Variants in HNF4A observed in about 807,000 individuals in gnomAD.
HNF4A encodes hepatocyte nuclear factor 4 alpha, also known as hepatocyte nuclear factor 4-alpha.
In HNF4A, 15 loss-of-function variants were observed where a neutral mutation model predicts 52.4. That is an observed-to-expected ratio of 0.29 (90% confidence interval 0.19 to 0.44). HNF4A has a LOEUF of 0.44. Among genes scored for constraint, HNF4A ranks in the 20% least tolerant of loss-of-function variants. The probability of loss-of-function intolerance (pLI) is 1.00; values close to 1 mark genes in which losing one functional copy is unlikely to be tolerated. For missense variants in HNF4A, 479 were observed against 647.2 expected (o/e 0.74, Z 2.82); for synonymous variants, 280 against 264.4 (o/e 1.06, Z -0.57).
intron 1 of HNF4A, among the ~76,000 whole-genome samples, chr20:44,394,448 T>C (rs1017333185): frequency 1.3e-5 from 2 of 152,178 alleles, no homozygotes; most frequent in Non-Finnish European, 2.9e-5. Context: ...GCTGGGCCTG[T>C]GGATGCATAC....
chr20:44,409,263 A>G (rs1405999321), intron 3 of HNF4A, among the ~76,000 whole-genome samples: 2 of 152,166 alleles, frequency 1.3e-5, no homozygotes, highest in East Asian at 1.9e-4. Flanking sequence ...CCAGTTTTCA[A>G]TGGGGTTAAG....
At chr20:44,364,852 T>C (rs1211789766) in intron 1 of HNF4A, among the ~76,000 whole-genome samples, 1 of 152,236 alleles carries the variant, frequency 6.6e-6, no homozygotes, top group African/African-American at 2.4e-5. Context: ...TAGAAGTTTA[T>C]TGACCTCTGT....
At chr20:44,405,976 C>T in intron 1 of HNF4A, 82 bp from the exon 2 acceptor site, 1 of 1,371,588 alleles carries the variant, frequency 7.3e-7, no homozygotes, top group East Asian at 2.3e-5. Flanking sequence ...GGCCGAAGCC[C>T]TGGAGAGATC....
chr20:44,402,630 G>T (rs2063427023), intron 1 of HNF4A: 2 of 1,362,826 alleles, frequency 1.5e-6, no homozygotes, highest in Admixed American at 1.9e-5. Flanking sequence ...GGGGTGGACA[G>T]TTCTCCACAG....
intron 1 of HNF4A, among the ~76,000 whole-genome samples, chr20:44,365,176 T>C (rs977412864): frequency 1.1e-4 from 17 of 152,076 alleles, no homozygotes; most frequent in African/African-American, 3.6e-4. Context: ...TGTTTTTGTT[T>C]TGTTGTTGTT....
rs144663492 is a variant in HNF4A, at chr20:44,395,229, G to T, written c.50-10829G>T. ...CTCTGAGGCTCCGTGAGGGGCCCCA[G>T]GTCTGGGCCCCAAGTCTATGGTTCA... is the stretch of plus-strand genomic sequence containing the variant. On this transcript the variant is annotated intron_variant, in intron 1 of 9. Coordinates refer to the HNF4A transcript ENST00000316673. Among the ~76,000 whole-genome samples the T allele has an allele frequency of 8.4e-3, 1,283 of 152,378 alleles. 22 individuals are homozygous for T. The highest frequency in any genetic ancestry group is 0.029 in the African/African-American group (1,215 of 41,596).
chr20:44,367,318 AAAGCG>A (rs1161056725), intron 1 of HNF4A, among the ~76,000 whole-genome samples: 1 of 148,908 alleles, frequency 6.7e-6, no homozygotes, highest in African/African-American at 2.5e-5. Flanking sequence ...CTGGGCAACA[AAAGCG>A]AAACTCTGTC....
At chr20:44,365,162 G>A (rs1021714899) in intron 1 of HNF4A, among the ~76,000 whole-genome samples, 15 of 149,504 alleles carry the variant, frequency 1.0e-4, no homozygotes, top group Non-Finnish European at 2.2e-4. Flanking sequence ...TTTTTTTTTT[G>A]GTTTGTTTTT....
At chr20:44,404,526 G>T (rs992420310) in intron 1 of HNF4A, among the ~76,000 whole-genome samples, 4 of 151,976 alleles carry the variant, frequency 2.6e-5, no homozygotes, top group Middle Eastern at 3.4e-3. Flanking sequence ...GAGCATGTGT[G>T]TGTGGACTGT....
intron 8 of HNF4A, among the ~76,000 whole-genome samples, chr20:44,426,008 T>G (rs1173220220): frequency 6.6e-6 from 1 of 152,090 alleles, no homozygotes; most frequent in Non-Finnish European, 1.5e-5. Context: ...AAATCCAAGT[T>G]ATCAAGGAGG....
At chr20:44,423,124 C>T (rs2063769706) in intron 7 of HNF4A, among the ~76,000 whole-genome samples, 1 of 152,036 alleles carries the variant, frequency 6.6e-6, no homozygotes, top group Admixed American at 6.6e-5. Context: ...TGAGATGAGC[C>T]TGACCAGCAT....
At chr20:44,415,920 C>T (rs1348168114) in intron 5 of HNF4A, among the ~76,000 whole-genome samples, 6 of 152,104 alleles carry the variant, frequency 3.9e-5, no homozygotes, top group Admixed American at 3.9e-4. Flanking sequence ...TGTGCTCTGG[C>T]CCCAGTCCCC....
chr20:44,394,199 C>T (rs1203968076), intron 1 of HNF4A, among the ~76,000 whole-genome samples: 7 of 152,110 alleles, frequency 4.6e-5, no homozygotes, highest in East Asian at 3.9e-4. Flanking sequence ...TTTGCAGAGC[C>T]GTCTTGTTCA....
Position 44,368,160 on chromosome 20 carries a change from A to ATTTTTTTTTT in HNF4A, c.49+12322_49+12331dup, listed in dbSNP as rs1181828023. Among the ~76,000 whole-genome samples, 21 of 27,780 alleles carry ATTTTTTTTTT rather than the reference A, an allele frequency of 7.6e-4. 5 individuals carry two copies. Among genetic ancestry groups the ATTTTTTTTTT allele is most frequent in the Admixed American group, 1.7e-3 (2 of 1,170 alleles). The allele number at this position is 27,780 out of a possible 152,430, so 18.2% of individuals were successfully genotyped here. A position where few individuals can be genotyped will look rare whatever the true frequency, so the allele number is the denominator to read the frequency against. The stretch of plus-strand genomic sequence containing the variant: ...TATATACATATATATATATATATAT[A>ATTTTTTTTTT]TTTTTTTTTTTTTTTTTTTTTTTTG... On this transcript the variant is annotated intron_variant, in intron 1 of 9. Coordinates refer to the HNF4A transcript ENST00000316673.
chr20:44,401,538 G>T, intron 1 of HNF4A: 6 of 1,606,664 alleles, frequency 3.7e-6, no homozygotes, highest in Non-Finnish European at 5.1e-6. Context: ...AGGTGTGCCT[G>T]GGTCCAGGAG....
chr20:44,413,870 C>T, intron 4 of HNF4A, 70 bp downstream of exon 4: 1 of 1,020,422 alleles, frequency 9.8e-7, no homozygotes, highest in Non-Finnish European at 1.5e-6. Context: ...CCTCCACCTC[C>T]ATTCTCCCCA....
chr20:44,405,290 T>A (rs80305670), intron 1 of HNF4A, among the ~76,000 whole-genome samples: 1 of 152,168 alleles, frequency 6.6e-6, no homozygotes, highest in African/African-American at 2.4e-5. Context: ...ATTTTTTAAA[T>A]TTTTTAAATT....
At chr20:44,357,127 G>A (rs2062867465) in intron 1 of HNF4A, among the ~76,000 whole-genome samples, 1 of 152,176 alleles carries the variant, frequency 6.6e-6, no homozygotes, top group Admixed American at 6.6e-5. Flanking sequence ...TAGTCAGGAA[G>A]AATCTTCTTT....
intron 1 of HNF4A, among the ~76,000 whole-genome samples, chr20:44,356,236 C>T (rs1378365480): frequency 6.6e-6 from 1 of 152,176 alleles, no homozygotes; most frequent in Admixed American, 6.5e-5. Flanking sequence ...GGGCCTAGGT[C>T]ACGTTGCTGG....
Sources: gnomAD v4.1 joint callset for allele counts (sites outside exome capture counted in the v4.1 genomes callset) on GRCh38, gnomAD v4.1.1 for gene constraint, MANE v1.5 for transcripts, NCBI Gene and HGNC (gene_info 2026-07-23, HGNC 2026-07-21) for gene names.